PHTF1: variants seen among roughly 807,000 people sequenced by gnomAD.
PHTF1 encodes putative homeodomain transcription factor 1, also known as protein PHTF1.
Under a neutral mutation model 102.4 loss-of-function variants are expected in PHTF1, and 88 were observed. The observed-to-expected ratio is 0.86, with a 90% CI of 0.72 to 1.03. PHTF1 has a LOEUF of 1.03. PHTF1 is among the 50% of genes least tolerant of loss of function. The probability of loss-of-function intolerance (pLI) is 0.00; values close to 1 mark genes in which losing one functional copy is unlikely to be tolerated. For missense variants in PHTF1, 814 were observed against 909.5 expected (o/e 0.89, Z 1.35); for synonymous variants, 289 against 305.2 (o/e 0.95, Z 0.55).
In PHTF1 at chr1:113,726,320, C is replaced by A; in HGVS notation, c.488+98G>T. 6.3e-6 allele frequency: 6 copies of A among 948,806 alleles called. No individual in the cohort carries two copies. The East Asian group carries it at 8.1e-5, about 13-fold the overall frequency. The allele number at this position is 948,806 out of a possible 1,614,324, so 58.8% of individuals were successfully genotyped here. On this transcript the variant is annotated intron_variant, in intron 6 of 18. Coordinates refer to ENST00000369604, the MANE Select transcript of PHTF1 (RefSeq NM_001323043.2). ...TTCTAAGCCAAAAAATAATGAAAAA[C>A]ACAAAAGAGGGAGATTTTAAATTAA...
intron 3 of PHTF1, among the ~76,000 whole-genome samples, chr1:113,757,162 G>C (rs1264587344): frequency 6.6e-6 from 1 of 152,072 alleles, no homozygotes; most frequent in East Asian, 1.9e-4. Context: ...GTGAGACTCT[G>C]TCTCAAAAAC....
chr1:113,740,982 G>A (rs1264922276), intron 3 of PHTF1, among the ~76,000 whole-genome samples: 2 of 152,152 alleles, frequency 1.3e-5, no homozygotes, highest in Non-Finnish European at 2.9e-5. Flanking sequence ...AGTGAGCTGA[G>A]ATCACACCAC....
chr1:113,722,121 T>G (rs1433654404), intron 7 of PHTF1, among the ~76,000 whole-genome samples: 1 of 152,032 alleles, frequency 6.6e-6, no homozygotes, highest in Non-Finnish European at 1.5e-5. Flanking sequence ...GTGAAAGATC[T>G]CTATAATGAA....
chr1:113,739,992 G>A (rs1056878948), intron 3 of PHTF1, among the ~76,000 whole-genome samples: 2 of 152,020 alleles, frequency 1.3e-5, no homozygotes, highest in African/African-American at 4.8e-5. Context: ...TGATGGACAC[G>A]TACACTGAAT....
chr1:113,714,125 G>C (rs1215124884), intron 7 of PHTF1: 1 of 152,238 alleles, frequency 6.6e-6, no homozygotes, highest in Non-Finnish European at 1.5e-5. Context: ...AACAGTGGTA[G>C]CCAGGCAGTA....
At chr1:113,702,951 T>C (rs1369133961) in intron 15 of PHTF1, among the ~76,000 whole-genome samples, 1 of 152,174 alleles carries the variant, frequency 6.6e-6, no homozygotes, top group African/African-American at 2.4e-5. Flanking sequence ...GGATCCTGGA[T>C]TCAGAAAAAA....
At chr1:113,701,863 T>C in intron 15 of PHTF1, among the ~76,000 whole-genome samples, 1 of 83,064 alleles carries the variant, frequency 1.2e-5, no homozygotes. Flanking sequence ...AAAAAAATCA[T>C]TCAGAAGTGA....
In PHTF1 at chr1:113,720,491, A is replaced by AT. The variant is rs1652746975; in HGVS notation, c.623+4267dup. ...TTTACCTACTGGCTATAGAATACACATTTTTCTCCTCAGTGCATGAATCAT... is the reference window on the plus strand; with the variant it reads ...TTTACCTACTGGCTATAGAATACACATTTTTTCTCCTCAGTGCATGAATCAT... On this transcript the variant is annotated intron_variant, in intron 7 of 18. Transcript: ENST00000369604. Among the ~76,000 whole-genome samples, 3 of 152,256 alleles carry AT rather than the reference A, an allele frequency of 2.0e-5. No individual in the cohort carries two copies. In the South Asian group the frequency reaches 6.2e-4, roughly 32 times the overall value.
chr1:113,720,347 G>A (rs1652725996), intron 7 of PHTF1, among the ~76,000 whole-genome samples: 1 of 152,038 alleles, frequency 6.6e-6, no homozygotes, highest in African/African-American at 2.4e-5. Context: ...AATAATAGCT[G>A]GAGACTTCAA....
Position 113,700,797 on chromosome 1 carries a change from TTCTGTAAGTAA to T in PHTF1, c.2032_2042del (p.Leu678ThrfsTer3). On this transcript the variant is annotated frameshift_variant, in exon 16 of 19. Transcript: ENST00000369604. LOFTEE classifies it high-confidence loss of function. ...AATTGACAGGACTGATCAATACCTG[TTCTGTAAGTAA>T]TATTGAAACATTGCTGTATTTCTTA... is the stretch of plus-strand genomic sequence containing the variant. The T allele has an allele frequency of 6.2e-7, 1 of 1,613,718 alleles. No homozygotes were observed. The highest frequency in any genetic ancestry group is 8.5e-7 in the Non-Finnish European group (1 of 1,179,698).
In PHTF1 at chr1:113,704,658, A is replaced by C. The variant is rs1409501524; in HGVS notation, c.1803+8T>G. ...CACATACTCTATTGTTAATCAAATA[A>C]AACTCACCTTTAGATAGGAACGCAG... On this transcript the variant is annotated splice_region_variant and intron_variant, in intron 14 of 18. Coordinates refer to ENST00000369604, the MANE Select transcript of PHTF1 (RefSeq NM_001323043.2). 4.5e-6 allele frequency: 7 copies of C among 1,572,506 alleles called. No homozygotes were observed. In the Admixed American group the frequency reaches 5.6e-5, roughly 13 times the overall value.
Position 113,758,679 on chromosome 1 carries a change from T to C in PHTF1, c.25A>G (p.Ile9Val), listed in dbSNP as rs1444914380. 1 of 1,606,858 alleles carries C rather than the reference T, an allele frequency of 6.2e-7. No homozygotes were observed. The highest frequency in any genetic ancestry group is 8.5e-7 in the Non-Finnish European group (1 of 1,174,442). The stretch of plus-strand genomic sequence containing the variant: ...ATTACCTTCTTTTGGTACCACGATA[T>C]AGCATCTCTCTCATTTGAGGCCATC... MASNERDA[I>V]SWYQKKIGAY... The change falls in exon 2 of 19, where the codon ATA (isoleucine) becomes GTA (valine). Residue 9 changes from isoleucine (I) to valine (V), a missense_variant. Physicochemically the swap from Ile to Val is conservative, Grantham distance 29 (BLOSUM62 3). Coordinates refer to ENST00000369604, the MANE Select transcript of PHTF1 (RefSeq NM_001323043.2).
chr1:113,756,144 A>G (rs985501711), intron 3 of PHTF1, among the ~76,000 whole-genome samples: 5 of 152,034 alleles, frequency 3.3e-5, no homozygotes, highest in African/African-American at 1.2e-4. Flanking sequence ...GCTAGAGATC[A>G]CAAAACAAGA....
At chr1:113,711,658 T>C (rs1046432317) in intron 10 of PHTF1, 88 bp downstream of exon 10, 4 of 939,250 alleles carry the variant, frequency 4.3e-6, no homozygotes, top group Non-Finnish European at 6.8e-6. Context: ...TTAATGTAAA[T>C]GCTACTTTAG....
At position 113,749,608 on chromosome 1, in the gene PHTF1, G is replaced by A. The variant is rs986536941; in HGVS notation, c.102+8091C>T. 8.5e-5 allele frequency: 13 copies of A among 152,134 alleles called. 1 individual carries two copies. Among genetic ancestry groups the A allele is most frequent in the Non-Finnish European group, 1.2e-4 (8 of 68,044 alleles). 9.4% of individuals were successfully genotyped at this position (152,134 alleles called of 1,614,324 possible). Reference sequence around the variant, plus strand: ...CGGTCTTCTGTCAGAGGAAGATAAGGGTAACTATGTGGCTACATGGAATAA... The same window carrying A: ...CGGTCTTCTGTCAGAGGAAGATAAGAGTAACTATGTGGCTACATGGAATAA... On this transcript the variant is annotated intron_variant, in intron 3 of 18. Coordinates refer to ENST00000369604, the MANE Select transcript of PHTF1 (RefSeq NM_001323043.2).
rs759487574 is a variant in PHTF1, at chr1:113,724,684, A to ACT, written c.623+73_623+74dup. ...ACACCAAGATAAGTCTATACTACTT[A>ACT]CTCCTATGGCCTGATGATACTATAC... is the stretch of plus-strand genomic sequence containing the variant. On this transcript the variant is annotated intron_variant, in intron 7 of 18. Coordinates refer to ENST00000369604, the MANE Select transcript of PHTF1 (RefSeq NM_001323043.2). The ACT allele has an allele frequency of 1.8e-5, 21 of 1,156,000 alleles. No homozygotes were observed. In the East Asian group the frequency reaches 2.0e-4, roughly 11 times the overall value. 71.6% of individuals were successfully genotyped at this position (1,156,000 alleles called of 1,614,324 possible).
chr1:113,710,599 A>G (rs1650917182), intron 10 of PHTF1, 124 bp from the exon 11 acceptor site: 6 of 685,314 alleles, frequency 8.8e-6, no homozygotes, highest in Non-Finnish European at 1.2e-5. Flanking sequence ...ATCACCATGA[A>G]TTCATTTTTT....
chr1:113,703,738 A>G lies in PHTF1; in HGVS notation c.1890+343T>C, dbSNP rs372641965. 1.1e-4 allele frequency: 20 copies of G among 185,262 alleles called. No individual in the cohort carries two copies. The South Asian group carries it at 2.5e-3, about 23-fold the overall frequency. 11.5% of individuals were successfully genotyped at this position (185,262 alleles called of 1,614,324 possible). ...CAGTATAATAAATAAATGAATGAAT[A>G]AATAAGAGGGAAAGAAATGAAAGAT... On this transcript the variant is annotated intron_variant, in intron 15 of 18. Transcript: ENST00000369604.
chr1:113,758,789 G>T, intron 1 of PHTF1, 56 bp from the exon 2 acceptor site: 1 of 1,549,718 alleles, frequency 6.5e-7, no homozygotes, highest in Non-Finnish European at 8.7e-7. Flanking sequence ...TACTCTCCCA[G>T]TTTGGGTAGG....
Sources: gnomAD v4.1 joint callset for allele counts (sites outside exome capture counted in the v4.1 genomes callset) on GRCh38, gnomAD v4.1.1 for gene constraint, MANE v1.5 for transcripts, NCBI Gene and HGNC (gene_info 2026-07-23, HGNC 2026-07-21) for gene names.